The following CCDC122 variants were observed in gnomAD, a reference collection of about 807,000 sequenced individuals.
CCDC122 encodes the protein coiled-coil domain-containing protein 122.
A neutral mutation model predicts 37.0 loss-of-function variants in CCDC122; 38 were observed. The ratio of observed to expected loss-of-function variants is 1.03; its 90% CI spans 0.79 to 1.35. CCDC122 has a LOEUF of 1.35. Ranked by LOEUF, CCDC122 falls within the 40% of genes most tolerant of loss-of-function variation. CCDC122 has a pLI of 0.00. For missense variants in CCDC122, 305 were observed against 310.0 expected (o/e 0.98, Z 0.12); for synonymous variants, 83 against 95.6 (o/e 0.87, Z 0.77).
chr13:43,877,729 T>G (rs899260490), intron 1 of CCDC122: 1 of 152,178 alleles, frequency 6.6e-6, no homozygotes, highest in African/African-American at 2.4e-5. Flanking sequence ...AAGAACAGCT[T>G]TTATTTGAGT....
intron 6 of CCDC122, chr13:43,855,748 A>G (rs917504506): frequency 6.6e-6 from 1 of 152,250 alleles, no homozygotes; most frequent in Non-Finnish European, 1.5e-5. Context: ...AACACTTATT[A>G]TACACTGTTG....
At chr13:43,826,594 G>A (rs543606923) in intron 3 of CCDC122, among the ~76,000 whole-genome samples, 21 of 152,188 alleles carry the variant, frequency 1.4e-4, no homozygotes, top group Admixed American at 3.3e-4. Flanking sequence ...CCTAATAAGC[G>A]TGGTTAAGAA....
At chr13:43,854,709 G>T (rs988552376) in intron 6 of CCDC122, 1 of 152,004 alleles carries the variant, frequency 6.6e-6, no homozygotes, top group Non-Finnish European at 1.5e-5. Flanking sequence ...GATGAACATC[G>T]ATGCAAAAAT....
intron 3 of CCDC122, among the ~76,000 whole-genome samples, chr13:43,825,868 G>A (rs9533636): frequency 0.14 from 21,252 of 151,742 alleles, 1,919 homozygotes; most frequent in African/African-American, 0.25. Flanking sequence ...CACTAGAAGT[G>A]GAACCTCAGC....
chr13:43,843,078 C>T (rs1013520317), intron 6 of CCDC122, among the ~76,000 whole-genome samples: 4 of 152,088 alleles, frequency 2.6e-5, no homozygotes, highest in Non-Finnish European at 2.9e-5. Flanking sequence ...TGATATCAGA[C>T]ATCTCTGCCT....
intron 6 of CCDC122, among the ~76,000 whole-genome samples, chr13:43,840,639 G>C (rs7991729): frequency 0.88 from 134,019 of 151,924 alleles, 59,819 homozygotes; most frequent in South Asian, 0.98. Context: ...GCGGTGTTTG[G>C]TTTTTTGTCT....
downstream of CCDC122, among the ~76,000 whole-genome samples, chr13:43,823,015 T>C (rs776378738): frequency 3.3e-5 from 5 of 151,428 alleles, no homozygotes; most frequent in Non-Finnish European, 5.9e-5. Flanking sequence ...ACAGAAGGAG[T>C]CTTTTGCTGT....
intron 3 of CCDC122, among the ~76,000 whole-genome samples, chr13:43,827,238 C>G (rs187600678): frequency 6.6e-6 from 1 of 151,842 alleles, no homozygotes; most frequent in African/African-American, 2.4e-5. Flanking sequence ...AAAGCATTTT[C>G]AAAAAAAGCT....
At chr13:43,825,457 T>C (rs1953030503) in intron 3 of CCDC122, among the ~76,000 whole-genome samples, 1 of 150,166 alleles carries the variant, frequency 6.7e-6, no homozygotes, top group African/African-American at 2.5e-5. Flanking sequence ...GACATAAAGA[T>C]AGAGATTGGG....
In CCDC122 at chr13:43,859,805, TC is replaced by T; in HGVS notation, c.421del (p.Glu141LysfsTer2). 6.2e-7 allele frequency: 1 copy of T among 1,610,038 alleles called. No homozygotes were observed. The highest frequency in any genetic ancestry group is 8.5e-7 in the Non-Finnish European group (1 of 1,178,680). ...KIKAHKNSLG[E>X]VESKWSFMTE... ...CATAAATGACCATTTGCTCTCTACT[TC>T]CCCCAAACTATTTTTATGTGCTTTT... On this transcript the variant is annotated frameshift_variant, in exon 5 of 7. Coordinates refer to ENST00000444614, the MANE Select transcript of CCDC122 (RefSeq NM_144974.5). LOFTEE classifies it high-confidence loss of function.
At chr13:43,825,630 C>T (rs1953031919) in intron 3 of CCDC122, among the ~76,000 whole-genome samples, 1 of 152,132 alleles carries the variant, frequency 6.6e-6, no homozygotes, top group Admixed American at 6.5e-5. Context: ...ATTAGCTGGG[C>T]GTGGTGGTGT....
At chr13:43,825,768 T>C (rs1267739079) in intron 3 of CCDC122, among the ~76,000 whole-genome samples, 2 of 35,376 alleles carry the variant, frequency 5.7e-5, no homozygotes, top group African/African-American at 1.4e-4. Context: ...AGACTCCGTC[T>C]CAAAAAAAAA....
intron 3 of CCDC122, among the ~76,000 whole-genome samples, chr13:43,830,891 C>T (rs1399273363): frequency 6.6e-6 from 1 of 151,988 alleles, no homozygotes; most frequent in Admixed American, 6.6e-5. Flanking sequence ...AATGAGGAAG[C>T]TGCATTTTTT....
In CCDC122 at chr13:43,824,923, A is replaced by C. The variant is rs148457390; in HGVS notation, n.602-912T>G. ...CAGATGCTGGTGAGGCTGCAGAGAA[A>C]AGACAATGCTTATACATTGTTGGTG... On this transcript the variant is annotated intron_variant and non_coding_transcript_variant, in intron 3 of 3. Transcript: ENST00000470137. Among the ~76,000 whole-genome samples the C allele has an allele frequency of 2.2e-3, 337 of 152,328 alleles. 2 individuals carry two copies. The highest frequency in any genetic ancestry group is 7.6e-3 in the African/African-American group (318 of 41,576).
chr13:43,836,028 A>G (rs1953151890), downstream of CCDC122, among the ~76,000 whole-genome samples: 1 of 152,238 alleles, frequency 6.6e-6, no homozygotes, highest in Non-Finnish European at 1.5e-5. Flanking sequence ...ATCAGGTTTT[A>G]TATCAGCTCC....
At chr13:43,853,013 G>A (rs1406887408) in intron 6 of CCDC122, among the ~76,000 whole-genome samples, 1 of 152,108 alleles carries the variant, frequency 6.6e-6, no homozygotes, top group Admixed American at 6.5e-5. Context: ...GGAAACACCA[G>A]AGTCAGTCAC....
chr13:43,861,587 CT>C (rs1194957325), intron 4 of CCDC122, among the ~76,000 whole-genome samples: 1 of 152,106 alleles, frequency 6.6e-6, no homozygotes, highest in Non-Finnish European at 1.5e-5. Flanking sequence ...TATGGTCATT[CT>C]TTTTAAGTAA....
chr13:43,841,740 T>C (rs918437100), intron 6 of CCDC122, among the ~76,000 whole-genome samples: 7 of 152,238 alleles, frequency 4.6e-5, no homozygotes, highest in African/African-American at 1.2e-4. Context: ...TGGGGAGGTC[T>C]CACTTTGTTG....
At chr13:43,825,625 C>T (rs906206730) in intron 3 of CCDC122, among the ~76,000 whole-genome samples, 2 of 152,108 alleles carry the variant, frequency 1.3e-5, no homozygotes, top group Non-Finnish European at 2.9e-5. Flanking sequence ...TAAATATTAG[C>T]TGGGCGTGGT....
Sources: gnomAD v4.1 joint callset for allele counts (sites outside exome capture counted in the v4.1 genomes callset) on GRCh38, gnomAD v4.1.1 for gene constraint, MANE v1.5 for transcripts, NCBI Gene and HGNC (gene_info 2026-07-23, HGNC 2026-07-21) for gene names.